CACNA1E: variants seen among roughly 807,000 people sequenced by gnomAD.
CACNA1E encodes the protein calcium voltage-gated channel subunit alpha1 E.
A neutral mutation model predicts 259.2 loss-of-function variants in CACNA1E; 40 were observed. That is an observed-to-expected ratio of 0.15 (90% CI 0.12 to 0.20). CACNA1E has a LOEUF of 0.20. Ranked by LOEUF, CACNA1E falls within the 10% of genes least tolerant of loss-of-function variation. The probability of loss-of-function intolerance (pLI) is 1.00; values close to 1 mark genes in which losing one functional copy is unlikely to be tolerated. For synonymous variants in CACNA1E, 1,104 were observed against 1,138.5 expected (o/e 0.97, Z 0.61); for missense variants, 1,874 against 3,040.1 (o/e 0.62, Z 9.02).
chr1:181,331,906 T>C (rs1038275938), intron 1 of CACNA1E, among the ~76,000 whole-genome samples: 2 of 152,234 alleles, frequency 1.3e-5, no homozygotes, highest in African/African-American at 4.8e-5. Flanking sequence ...TGCAGTCTTA[T>C]TTCTGGGTTC....
chr1:181,729,809 G>C (rs2102533184), intron 18 of CACNA1E, among the ~76,000 whole-genome samples: 1 of 152,322 alleles, frequency 6.6e-6, no homozygotes, highest in Non-Finnish European at 1.5e-5. Context: ...CATGCTTCTG[G>C]ATAGCTGGTA....
intron 7 of CACNA1E, among the ~76,000 whole-genome samples, chr1:181,667,781 T>G (rs1157395305): frequency 6.6e-6 from 1 of 151,024 alleles, no homozygotes; most frequent in African/African-American, 2.4e-5. Flanking sequence ...GTCATAGAGA[T>G]CCAATACACA....
At chr1:181,535,000 G>A (rs1035985946) in intron 3 of CACNA1E, among the ~76,000 whole-genome samples, 12 of 152,006 alleles carry the variant, frequency 7.9e-5, no homozygotes, top group Non-Finnish European at 1.5e-4. Flanking sequence ...CCAAAAGTAA[G>A]TGAACATAAC....
rs1658991117 is a variant in CACNA1E at position 181,424,308 on chromosome 1, T to C, written c.434+10728T>C. ...ATTTGGGTGATTTCTAGAGATTTGC[T>C]TTAAGATGATCCTTTGGGGAACTTC... On this transcript the variant is annotated intron_variant, in intron 2 of 11. Transcript: ENST00000524607. Among the ~76,000 whole-genome samples the C allele has an allele frequency of 3.3e-5, 5 of 152,340 alleles. No individual in the cohort carries two copies. In the South Asian group the frequency reaches 8.3e-4, roughly 25 times the overall value.
At chr1:181,343,294 C>T (rs879877195) in intron 1 of CACNA1E, among the ~76,000 whole-genome samples, 6 of 152,110 alleles carry the variant, frequency 3.9e-5, no homozygotes, top group East Asian at 1.9e-4. Context: ...ATGTGACCTC[C>T]GGTGCTGGAG....
At chr1:181,658,952 C>T (rs1410360700) in intron 7 of CACNA1E, among the ~76,000 whole-genome samples, 1 of 151,866 alleles carries the variant, frequency 6.6e-6, no homozygotes, top group East Asian at 1.9e-4. Context: ...GTTCTCTCTT[C>T]TGCTTGGTTG....
intron 3 of CACNA1E, among the ~76,000 whole-genome samples, chr1:181,570,301 G>A (rs1041191293): frequency 9.2e-5 from 14 of 151,982 alleles, no homozygotes; most frequent in African/African-American, 3.4e-4. Flanking sequence ...GGTGCAGGGG[G>A]ACTTAACCTT....
intron 37 of CACNA1E, among the ~76,000 whole-genome samples, chr1:181,773,499 C>T (rs1659705935): frequency 6.6e-6 from 1 of 152,294 alleles, no homozygotes; most frequent in South Asian, 2.1e-4. Context: ...GAATATACAA[C>T]AGTATCTTAT....
chr1:181,794,787 C>T, intron 45 of CACNA1E, 77 bp from the exon 46 acceptor site: 2 of 1,373,320 alleles, frequency 1.5e-6, no homozygotes, highest in Non-Finnish European at 2.0e-6. Flanking sequence ...ACGTCTCAGT[C>T]TTGCTGCTTC....
At chr1:181,342,498 C>G (rs1445299310) in intron 1 of CACNA1E, among the ~76,000 whole-genome samples, 2 of 152,016 alleles carry the variant, frequency 1.3e-5, no homozygotes, top group African/African-American at 4.8e-5. Context: ...TGTCATATGA[C>G]AATAAGAATG....
At chr1:181,326,962 C>T (rs187064183) in intron 1 of CACNA1E, among the ~76,000 whole-genome samples, 24 of 152,284 alleles carry the variant, frequency 1.6e-4, no homozygotes, top group Non-Finnish European at 5.9e-5. Context: ...CTCAGTTGCT[C>T]ATCCTGATTC....
chr1:181,365,947 G>T (rs1025393827), intron 1 of CACNA1E, among the ~76,000 whole-genome samples: 1 of 152,184 alleles, frequency 6.6e-6, no homozygotes, highest in Non-Finnish European at 1.5e-5. Flanking sequence ...CAAGTGAGAT[G>T]GTTCTTGGGG....
chr1:181,599,177 C>T (rs1055012921), intron 6 of CACNA1E, among the ~76,000 whole-genome samples: 6 of 151,912 alleles, frequency 3.9e-5, no homozygotes, highest in African/African-American at 1.5e-4. Flanking sequence ...CATGTGTTCT[C>T]ATCATTTAGC....
intron 1 of CACNA1E, among the ~76,000 whole-genome samples, chr1:181,361,793 C>T (rs1653903784): frequency 1.3e-5 from 2 of 152,158 alleles, no homozygotes; most frequent in African/African-American, 4.8e-5. Flanking sequence ...TATCTACAAG[C>T]TGAATAGCTT....
At chr1:181,420,356 G>C (rs1433083190) in intron 2 of CACNA1E, among the ~76,000 whole-genome samples, 1 of 152,088 alleles carries the variant, frequency 6.6e-6, no homozygotes, top group Non-Finnish European at 1.5e-5. Flanking sequence ...GTTTCCTCAG[G>C]CCCACTTTTC....
intron 6 of CACNA1E, among the ~76,000 whole-genome samples, chr1:181,642,829 C>T (rs1053795716): frequency 6.6e-6 from 1 of 152,204 alleles, no homozygotes; most frequent in African/African-American, 2.4e-5. Context: ...ATCCTGGCCC[C>T]CCAGAGCATC....
intron 6 of CACNA1E, among the ~76,000 whole-genome samples, chr1:181,615,993 A>G (rs559731220): frequency 2.3e-4 from 35 of 152,334 alleles, no homozygotes; most frequent in African/African-American, 8.2e-4. Flanking sequence ...TGCACTGATC[A>G]TGATTTTCCT....
intron 1 of CACNA1E, among the ~76,000 whole-genome samples, chr1:181,401,376 T>C (rs949142340): frequency 1.3e-5 from 2 of 152,186 alleles, no homozygotes; most frequent in African/African-American, 4.8e-5. Flanking sequence ...GAGAACCTTA[T>C]TTGTTTTTTC....
At chr1:181,793,890 GCC>G (rs1661552945) in intron 45 of CACNA1E, 97 bp downstream of exon 45, 1 of 1,286,580 alleles carries the variant, frequency 7.8e-7, no homozygotes, top group African/African-American at 1.5e-5. Flanking sequence ...CCGTTGACTT[GCC>G]CGCACCCCTT....
Sources: gnomAD v4.1 joint callset for allele counts (sites outside exome capture counted in the v4.1 genomes callset) on GRCh38, gnomAD v4.1.1 for gene constraint, MANE v1.5 for transcripts, NCBI Gene and HGNC (gene_info 2026-07-23, HGNC 2026-07-21) for gene names.